Variants in PCDH7 observed in about 807,000 individuals in gnomAD.
PCDH7 encodes the protein protocadherin 7.
PCDH7 carries 17 observed loss-of-function variants against 58.9 expected under a neutral mutation model. That is an observed-to-expected ratio of 0.29 (90% confidence interval 0.20 to 0.43). The LOEUF (loss-of-function observed/expected upper bound fraction) is 0.43. Ranked by LOEUF, PCDH7 falls within the 20% of genes least tolerant of loss-of-function variation. PCDH7 has a pLI of 1.00. For missense variants in PCDH7, 1,274 were observed against 1,441.0 expected (o/e 0.88, Z 1.88); for synonymous variants, 664 against 616.4 (o/e 1.08, Z -1.14).
At chr4:31,013,088 G>A (rs538376057) in intron 3 of PCDH7, among the ~76,000 whole-genome samples, 2 of 150,550 alleles carry the variant, frequency 1.3e-5, no homozygotes, top group Non-Finnish European at 3.0e-5. Flanking sequence ...TCTAGAGGCT[G>A]AGGCAGGAGG....
intron 3 of PCDH7, among the ~76,000 whole-genome samples, chr4:31,072,094 C>A (rs578177782): frequency 6.6e-6 from 1 of 151,984 alleles, no homozygotes; most frequent in East Asian, 1.9e-4. Context: ...CACTAGCACA[C>A]CTCTAAGAAA....
At chr4:30,907,332 C>G (rs35262065) in intron 1 of PCDH7, among the ~76,000 whole-genome samples, 7,365 of 152,072 alleles carry the variant, frequency 0.048, 385 homozygotes, top group East Asian at 0.26. Context: ...CTACAGAATG[C>G]GAGAAAATTT....
intron 1 of PCDH7, among the ~76,000 whole-genome samples, chr4:30,840,963 A>G (rs1239768784): frequency 6.6e-6 from 1 of 151,870 alleles, no homozygotes; most frequent in Non-Finnish European, 1.5e-5. Context: ...ATAAGGACCC[A>G]GTTTTTGGGA....
intron 1 of PCDH7, among the ~76,000 whole-genome samples, chr4:30,799,896 C>T (rs1047175689): frequency 6.6e-6 from 1 of 151,506 alleles, no homozygotes; most frequent in Non-Finnish European, 1.5e-5. Flanking sequence ...CTCTGTCACC[C>T]AGGCTGGAGT....
chr4:30,932,971 C>A (rs1441774457), intron 2 of PCDH7, among the ~76,000 whole-genome samples: 1 of 152,036 alleles, frequency 6.6e-6, no homozygotes, highest in African/African-American at 2.4e-5. Context: ...CAGAGTAGCT[C>A]TTAAAATGTT....
At chr4:30,858,217 A>T (rs970930630) in intron 1 of PCDH7, among the ~76,000 whole-genome samples, 1 of 152,084 alleles carries the variant, frequency 6.6e-6, no homozygotes, top group African/African-American at 2.4e-5. Context: ...TCCCATTCTG[A>T]TATACGTTGA....
At chr4:31,008,690 G>A (rs1752963153) in intron 3 of PCDH7, among the ~76,000 whole-genome samples, 1 of 152,016 alleles carries the variant, frequency 6.6e-6, no homozygotes, top group African/African-American at 2.4e-5. Context: ...CAAATGGACA[G>A]CATTGTATTA....
At chr4:31,055,845 A>AT (rs1465759046) in intron 3 of PCDH7, among the ~76,000 whole-genome samples, 1 of 151,988 alleles carries the variant, frequency 6.6e-6, no homozygotes, top group Non-Finnish European at 1.5e-5. Flanking sequence ...CCAAAGTGCT[A>AT]GGATTACAGG....
At chr4:30,996,671 G>A (rs13139328) in intron 3 of PCDH7, among the ~76,000 whole-genome samples, 59,206 of 151,862 alleles carry the variant, frequency 0.39, 12,762 homozygotes, top group East Asian at 0.73. Flanking sequence ...GGGGAAACTT[G>A]GTTTTATTTT....
At chr4:30,884,987 C>T (rs927497946) in intron 1 of PCDH7, 18 of 152,028 alleles carry the variant, frequency 1.2e-4, no homozygotes, top group Non-Finnish European at 2.1e-4. Flanking sequence ...AAGAATAAAA[C>T]GTAAATAATT....
intron 1 of PCDH7, among the ~76,000 whole-genome samples, chr4:30,727,170 A>G (rs1480571180): frequency 1.3e-5 from 2 of 151,910 alleles, no homozygotes; most frequent in East Asian, 1.9e-4. Context: ...TTCATTTTAC[A>G]TTCATTTTAT....
At chr4:30,918,055 G>T (rs930466119) in intron 1 of PCDH7, among the ~76,000 whole-genome samples, 1 of 152,096 alleles carries the variant, frequency 6.6e-6, no homozygotes, top group African/African-American at 2.4e-5. Context: ...AGATTTGAAA[G>T]TCATTAAAAT....
At chr4:30,912,297 A>G (rs1741879869) in intron 1 of PCDH7, among the ~76,000 whole-genome samples, 2 of 152,182 alleles carry the variant, frequency 1.3e-5, no homozygotes, top group South Asian at 4.1e-4. Flanking sequence ...TGTTTGTTCA[A>G]TAGCCACTGA....
At chr4:31,048,598 A>G (rs1368728948) in intron 3 of PCDH7, among the ~76,000 whole-genome samples, 1 of 152,050 alleles carries the variant, frequency 6.6e-6, no homozygotes, top group East Asian at 1.9e-4. Flanking sequence ...CTGAATTTAT[A>G]TGGGATGCCC....
chr4:31,075,200 T>C (rs1758886188), intron 3 of PCDH7, among the ~76,000 whole-genome samples: 1 of 152,180 alleles, frequency 6.6e-6, no homozygotes, highest in Non-Finnish European at 1.5e-5. Context: ...TACTTATCTC[T>C]GTTCTATAAT....
chr4:31,000,062 A>C (rs560290390), intron 3 of PCDH7, among the ~76,000 whole-genome samples: 240 of 152,204 alleles, frequency 1.6e-3, no homozygotes, highest in African/African-American at 5.5e-3. Flanking sequence ...ATGCTCATTT[A>C]TGTGGCAGTA....
At chr4:30,931,421 C>T (rs1744575608) in intron 2 of PCDH7, among the ~76,000 whole-genome samples, 1 of 151,888 alleles carries the variant, frequency 6.6e-6, no homozygotes, top group Non-Finnish European at 1.5e-5. Context: ...ATTAAAAATA[C>T]AAAATTAGCT....
At chr4:30,822,298 A>T (rs912172999) in intron 1 of PCDH7, among the ~76,000 whole-genome samples, 2 of 152,122 alleles carry the variant, frequency 1.3e-5, no homozygotes, top group African/African-American at 4.8e-5. Flanking sequence ...GCTTTGCCTG[A>T]TGGGGGACTG....
chr4:31,038,959 C>A (rs1333939190), intron 3 of PCDH7, among the ~76,000 whole-genome samples: 1 of 152,154 alleles, frequency 6.6e-6, no homozygotes, highest in Non-Finnish European at 1.5e-5. Flanking sequence ...ACAGCAGTAA[C>A]TTACCAGATA....
Sources: allele counts gnomAD v4.1 joint callset (sites outside exome capture counted in the v4.1 genomes callset), GRCh38; gene constraint gnomAD v4.1.1; transcripts MANE v1.5; gene names NCBI Gene and HGNC (gene_info 2026-07-23, HGNC 2026-07-21).